The following HS1BP3 variants were observed in gnomAD, a reference collection of about 807,000 sequenced individuals.
HS1BP3 encodes HCLS1-binding protein 3.
In HS1BP3, 32 loss-of-function variants were observed where a neutral mutation model predicts 33.5. That is an observed-to-expected ratio of 0.95 (90% CI 0.72 to 1.28). HS1BP3 has a LOEUF of 1.28. Among genes scored for constraint, HS1BP3 ranks in the 50% most tolerant of loss-of-function variants. HS1BP3 has a pLI of 0.00. For synonymous variants in HS1BP3, 187 were observed against 209.2 expected (o/e 0.89, Z 0.92); for missense variants, 486 against 502.3 (o/e 0.97, Z 0.31).
chr2:20,567,895 A>G (rs1339324399), intron 5 of HS1BP3, among the ~76,000 whole-genome samples: 2 of 152,164 alleles, frequency 1.3e-5, no homozygotes, highest in South Asian at 2.1e-4. Context: ...TGTGGCTCCC[A>G]CAGCTGGCCC....
chr2:20,592,888 A>G (rs1192073538), intron 3 of HS1BP3: 1 of 152,256 alleles, frequency 6.6e-6, no homozygotes, highest in Non-Finnish European at 1.5e-5. Flanking sequence ...TTTTCCAAAT[A>G]AAGTCGCATT....
At position 20,611,844 on chromosome 2, in the gene HS1BP3, GAGA is replaced by G. The variant is rs1213036684; in HGVS notation, c.178+12049_178+12051del. On this transcript the variant is annotated intron_variant, in intron 2 of 3. Coordinates refer to the HS1BP3 transcript ENST00000415264. The surrounding 1 kb of genome is among the most constrained non-coding windows in gnomAD (Gnocchi z 4.9). ...GCAGCGTGGGGTTCAGAGAAGCTGA[GAGA>G]TGGCAGAGGGTGGCACAGCCTCCTC... Among the ~76,000 whole-genome samples, 8 of 152,336 alleles carry G rather than the reference GAGA, an allele frequency of 5.3e-5. No homozygotes were observed. The East Asian group carries it at 1.5e-3, about 29-fold the overall frequency.
Position 20,561,203 on chromosome 2 carries a change from G to A in HS1BP3, c.303-688C>T, listed in dbSNP as rs571258460. 2.3e-4 allele frequency among the ~76,000 whole-genome samples: 35 copies of A among 152,298 alleles called. 1 individual carries two copies. The South Asian group carries it at 6.8e-3, about 30-fold the overall frequency. The stretch of plus-strand genomic sequence containing the variant: ...GCCCACTCCTTGGGGATGCTCCCCA[G>A]TCTTCTCCTGTGGTGCCCTCGCTGT... On this transcript the variant is annotated intron_variant, in intron 5 of 5. Coordinates refer to the HS1BP3 transcript ENST00000446825.
At chr2:20,610,925 A>G (rs973848375) in intron 2 of HS1BP3, among the ~76,000 whole-genome samples, 1 of 152,234 alleles carries the variant, frequency 6.6e-6, no homozygotes, top group Admixed American at 6.5e-5. Context: ...CACTCCCAAA[A>G]GCTGCCTCAT....
intron 5 of HS1BP3, among the ~76,000 whole-genome samples, chr2:20,565,290 C>G (rs187200061): frequency 1.6e-4 from 25 of 152,172 alleles, no homozygotes; most frequent in African/African-American, 5.1e-4. Flanking sequence ...CAGCAGCCCC[C>G]GTGTCGCCCA....
intron 2 of HS1BP3, among the ~76,000 whole-genome samples, chr2:20,599,050 G>A (rs1346548239): frequency 6.6e-6 from 1 of 152,224 alleles, no homozygotes; most frequent in East Asian, 1.9e-4. Flanking sequence ...CCAGAGACAA[G>A]CGCAGGAGCC....
At chr2:20,625,052 A>G (rs948326311) in intron 4 of HS1BP3, among the ~76,000 whole-genome samples, 160 bp from the exon 5 acceptor site, 3 of 152,212 alleles carry the variant, frequency 2.0e-5, no homozygotes, top group African/African-American at 7.2e-5. Flanking sequence ...GGAGGGGGCC[A>G]CCCAGAGCAG....
intron 5 of HS1BP3, among the ~76,000 whole-genome samples, chr2:20,563,958 C>T (rs1051121733): frequency 6.6e-6 from 1 of 152,200 alleles, no homozygotes. Context: ...TAGTCTCACT[C>T]AGCAGTGACA....
chr2:20,639,091 A>G (rs1023187285), intron 3 of HS1BP3, among the ~76,000 whole-genome samples: 15 of 152,246 alleles, frequency 9.9e-5, no homozygotes, highest in Admixed American at 2.0e-4. Context: ...TTACAGTTGG[A>G]GGCACGGCAA....
intron 3 of HS1BP3, among the ~76,000 whole-genome samples, chr2:20,596,943 T>C (rs757462151): frequency 9.9e-5 from 15 of 152,244 alleles, no homozygotes; most frequent in Admixed American, 5.2e-4. Context: ...CTGGACTCTG[T>C]GGGTAGGATT....
intron 4 of HS1BP3, among the ~76,000 whole-genome samples, chr2:20,631,068 GAC>G (rs1324617182): frequency 6.6e-6 from 1 of 152,200 alleles, no homozygotes; most frequent in African/African-American, 2.4e-5. Flanking sequence ...GGAGGCAAAT[GAC>G]ACAGAAATGC....
At position 20,645,424 on chromosome 2, in the gene HS1BP3, G is replaced by A. The variant is rs374149011; in HGVS notation, c.114C>T (p.His38=). Residue 38 remains histidine (H), a synonymous_variant, in exon 2 of 7, where the codon CAC becomes CAT. Coordinates refer to ENST00000304031, the MANE Select transcript of HS1BP3 (RefSeq NM_022460.4). ...QEVRGKMMSG[H]VEYQILVVTR... is the part of the protein sequence containing the mutation. ...TCACCACCAGGATCTGGTACTCCAC[G>A]TGTCCAGACATCATCTTGCCCCGTA... 2.1e-5 allele frequency: 34 copies of A among 1,614,012 alleles called. No individual in the cohort carries two copies. The highest frequency in any genetic ancestry group is 1.6e-4 in the Middle Eastern group (1 of 6,084).
chr2:20,614,956 C>T (rs373592808), downstream of HS1BP3, among the ~76,000 whole-genome samples: 9 of 152,206 alleles, frequency 5.9e-5, no homozygotes, highest in African/African-American at 2.2e-4. Context: ...CTGTGTACCG[C>T]GTGGGATTCT....
chr2:20,569,882 G>A (rs1693223999), intron 5 of HS1BP3, among the ~76,000 whole-genome samples: 1 of 152,200 alleles, frequency 6.6e-6, no homozygotes, highest in Admixed American at 6.5e-5. Context: ...TCCAGAAAAG[G>A]CAGGCAGGTG....
chr2:20,630,852 T>C (rs1311216261), intron 4 of HS1BP3, among the ~76,000 whole-genome samples: 1 of 152,108 alleles, frequency 6.6e-6, no homozygotes, highest in Non-Finnish European at 1.5e-5. Context: ...GAGCCTGGCA[T>C]AGTGAAAGTG....
chr2:20,588,076 C>G (rs896396165), downstream of HS1BP3, among the ~76,000 whole-genome samples: 1 of 151,374 alleles, frequency 6.6e-6, no homozygotes, highest in African/African-American at 2.4e-5. Context: ...AATACTAGGG[C>G]ACCCCAAGCT....
At chr2:20,593,054 C>G (rs2149279847) in intron 3 of HS1BP3, among the ~76,000 whole-genome samples, 1 of 152,258 alleles carries the variant, frequency 6.6e-6, no homozygotes, top group Admixed American at 6.5e-5. Flanking sequence ...CTCCCGCTGT[C>G]TACCCCACCA....
downstream of HS1BP3, among the ~76,000 whole-genome samples, chr2:20,613,741 C>T (rs150567815): frequency 2.3e-3 from 357 of 152,318 alleles, no homozygotes; most frequent in Admixed American, 5.4e-3. Flanking sequence ...CTGACACGTC[C>T]CCTCACATGG....
intron 5 of HS1BP3, among the ~76,000 whole-genome samples, chr2:20,565,055 C>G (rs1335438853): frequency 1.3e-5 from 2 of 152,182 alleles, no homozygotes; most frequent in East Asian, 3.9e-4. Flanking sequence ...ATGGCCTTAA[C>G]CTGCCAAATG....
Sources: allele counts gnomAD v4.1 joint callset (sites outside exome capture counted in the v4.1 genomes callset), GRCh38; gene constraint gnomAD v4.1.1; non-coding constraint Gnocchi (gnomAD v3.1); transcripts MANE v1.5; gene names NCBI Gene and HGNC (gene_info 2026-07-23, HGNC 2026-07-21).